DYNC2I1: variants seen among roughly 807,000 people sequenced by gnomAD.
The protein encoded by DYNC2I1 is cytoplasmic dynein 2 intermediate chain 1.
A neutral mutation model predicts 133.4 loss-of-function variants in DYNC2I1; 89 were observed. The ratio of observed to expected loss-of-function variants is 0.67; its 90% CI spans 0.56 to 0.80. The LOEUF (loss-of-function observed/expected upper bound fraction) is 0.80. DYNC2I1 is among the 30% of genes least tolerant of loss of function. The pLI is 0.00. For synonymous variants in DYNC2I1, 504 were observed against 484.3 expected, an observed-to-expected ratio of 1.04 and a Z score of -0.54; for missense variants, 1,291 against 1,314.5, an observed-to-expected ratio of 0.98 and a Z score of 0.28.
At chr7:158,925,965 T>G (rs1283324049) in intron 17 of DYNC2I1, among the ~76,000 whole-genome samples, 1 of 152,208 alleles carries the variant, frequency 6.6e-6, no homozygotes, top group Non-Finnish European at 1.5e-5. Flanking sequence ...GAGCAGGGGC[T>G]GGGGCCCGTG....
intron 8 of DYNC2I1, among the ~76,000 whole-genome samples, chr7:158,892,581 A>T (rs1362774258): frequency 6.6e-6 from 1 of 152,080 alleles, no homozygotes; most frequent in South Asian, 2.1e-4. Flanking sequence ...AGTTGGGATC[A>T]TAGGCATGAG....
chr7:158,883,086 T>C (rs190767128), intron 5 of DYNC2I1, among the ~76,000 whole-genome samples: 97 of 152,224 alleles, frequency 6.4e-4, no homozygotes, highest in African/African-American at 2.2e-3. Flanking sequence ...AATTATCCTG[T>C]GGTTACCGTA....
rs1842717128 is a variant in DYNC2I1 at position 158,869,778 on chromosome 7, C to G, written c.16-77C>G. On this transcript the variant is annotated intron_variant, in intron 1 of 24. Transcript: ENST00000407559. ...AATTAACTGCCATTGATTTAAATGG[C>G]ATAATGAAAAAGCAGCTCACTACAA... 5 of 1,108,442 alleles carry G rather than the reference C, an allele frequency of 4.5e-6. No individual in the cohort carries two copies. In the East Asian group the frequency reaches 1.3e-4, roughly 29 times the overall value. The allele number at this position is 1,108,442 out of a possible 1,614,324, so 68.7% of individuals were successfully genotyped here. A position where few individuals can be genotyped will look rare whatever the true frequency, so the allele number is the denominator to read the frequency against.
chr7:158,939,843 A>T (rs866091929), intron 23 of DYNC2I1, among the ~76,000 whole-genome samples: 1 of 152,218 alleles, frequency 6.6e-6, no homozygotes, highest in Non-Finnish European at 1.5e-5. Flanking sequence ...ATTAGACTAC[A>T]AATCAAAGAC....
At chr7:158,939,839 C>T (rs1260439374) in intron 23 of DYNC2I1, among the ~76,000 whole-genome samples, 1 of 152,058 alleles carries the variant, frequency 6.6e-6, no homozygotes, top group Non-Finnish European at 1.5e-5. Flanking sequence ...ATAAATTAGA[C>T]TACAAATCAA....
chr7:158,884,734 A>G lies in DYNC2I1; in HGVS notation c.935+115A>G, dbSNP rs569093016. The G allele has an allele frequency of 2.2e-5, 22 of 1,002,648 alleles. 1 individual carries two copies. In the South Asian group the frequency reaches 5.0e-4, roughly 23 times the overall value. The allele number at this position is 1,002,648 out of a possible 1,614,324, so 62.1% of individuals were successfully genotyped here. A position where few individuals can be genotyped will look rare whatever the true frequency, so the allele number is the denominator to read the frequency against. ...CAGTCCATGGCAATCAGTTATAGATATACTTCATTTTCTCTAGATTTTACC... is the reference window on the plus strand; with the variant it reads ...CAGTCCATGGCAATCAGTTATAGATGTACTTCATTTTCTCTAGATTTTACC... On this transcript the variant is annotated intron_variant, in intron 6 of 24. Transcript: ENST00000407559.
At chr7:158,863,948 CG>C in intron 1 of DYNC2I1, among the ~76,000 whole-genome samples, 1 of 104,028 alleles carries the variant, frequency 9.6e-6, no homozygotes, top group Non-Finnish European at 1.9e-5. Context: ...GGGTGGGGAG[CG>C]GGACGTCCTT....
At chr7:158,869,258 C>G (rs1488834160) in intron 1 of DYNC2I1, among the ~76,000 whole-genome samples, 1 of 152,118 alleles carries the variant, frequency 6.6e-6, no homozygotes, top group East Asian at 1.9e-4. Context: ...GAGGGACCCT[C>G]TGGGCCCGTG....
At chr7:158,926,506 G>C in intron 19 of DYNC2I1, 43 bp downstream of exon 19, 1 of 1,595,858 alleles carries the variant, frequency 6.3e-7, no homozygotes, top group Non-Finnish European at 8.5e-7. Context: ...GCCTGAGTGA[G>C]GTGGTCTGGG....
chr7:158,933,530 C>G (rs1356073598), intron 21 of DYNC2I1, among the ~76,000 whole-genome samples: 4 of 152,226 alleles, frequency 2.6e-5, no homozygotes, highest in Non-Finnish European at 1.5e-5. Flanking sequence ...AGCCGCACCA[C>G]AGCCAAGGGA....
intron 17 of DYNC2I1, 118 bp downstream of exon 17, chr7:158,923,851 G>T: frequency 7.5e-7 from 1 of 1,327,886 alleles, no homozygotes. Flanking sequence ...GACGGGGTCT[G>T]ACCCATGGGC....
chr7:158,857,540 G>T (rs2709862), intron 1 of DYNC2I1, among the ~76,000 whole-genome samples: 33,940 of 100,332 alleles, frequency 0.34, 5,484 homozygotes, highest in African/African-American at 0.51. Context: ...TTAGGTTTTT[G>T]TTTTTTTTTT....
chr7:158,909,501 C>T (rs1216570041), intron 11 of DYNC2I1, among the ~76,000 whole-genome samples: 11 of 152,022 alleles, frequency 7.2e-5, no homozygotes, highest in Admixed American at 3.9e-4. Flanking sequence ...TCATGAAAAA[C>T]GCTCCAGTGA....
At chr7:158,905,864 C>T in intron 10 of DYNC2I1, 125 bp from the exon 11 acceptor site, 1 of 669,290 alleles carries the variant, frequency 1.5e-6, no homozygotes, top group Non-Finnish European at 2.5e-6. Flanking sequence ...AGATGTTTGT[C>T]ATTAGTTGAA....
chr7:158,929,749 T>C (rs1850026210), intron 20 of DYNC2I1, among the ~76,000 whole-genome samples: 1 of 152,208 alleles, frequency 6.6e-6, no homozygotes, highest in Non-Finnish European at 1.5e-5. Flanking sequence ...TTAATATCCA[T>C]AGATTTCTAG....
chr7:158,942,033 TC>T lies in DYNC2I1; in HGVS notation c.2891del (p.Pro964GlnfsTer72). 1 of 1,613,362 alleles carries T rather than the reference TC, an allele frequency of 6.2e-7. No individual in the cohort carries two copies. The highest frequency in any genetic ancestry group is 8.5e-7 in the Non-Finnish European group (1 of 1,179,748). ...DSHAVTGLQWSPTRPAVFLVQ... is the reference protein window; with the variant it reads ...DSHAVTGLQWXPTRPAVFLVQ... ...CCATGCGGTCACCGGCCTGCAGTGG[TC>T]CCCAACCAGGCCTGCCGTGTTCCTG... is the stretch of plus-strand genomic sequence containing the variant. On this transcript the variant is annotated frameshift_variant, in exon 24 of 25. Transcript: ENST00000407559. LOFTEE classifies it high-confidence loss of function.
At chr7:158,896,499 G>A (rs1216542073) in intron 8 of DYNC2I1, among the ~76,000 whole-genome samples, 1 of 152,146 alleles carries the variant, frequency 6.6e-6, no homozygotes, top group Non-Finnish European at 1.5e-5. Context: ...GAGGCAGGGT[G>A]TTAACTCTGT....
At chr7:158,924,508 T>C (rs1849418142) in intron 17 of DYNC2I1, among the ~76,000 whole-genome samples, 1 of 152,238 alleles carries the variant, frequency 6.6e-6, no homozygotes, top group Non-Finnish European at 1.5e-5. Flanking sequence ...AGGGCCACTT[T>C]TTAAATTCCC....
chr7:158,927,402 C>T (rs1468422945), intron 20 of DYNC2I1, among the ~76,000 whole-genome samples: 1 of 122,484 alleles, frequency 8.2e-6, no homozygotes, highest in Non-Finnish European at 1.7e-5. Flanking sequence ...GACCTTGTCT[C>T]TCTGTTAAAA....
Sources: gnomAD v4.1 joint callset for allele counts (sites outside exome capture counted in the v4.1 genomes callset) on GRCh38, gnomAD v4.1.1 for gene constraint, MANE v1.5 for transcripts, NCBI Gene and HGNC (gene_info 2026-07-23, HGNC 2026-07-21) for gene names.